Variants in FAM91A1 observed in about 807,000 individuals in gnomAD.
FAM91A1 encodes protein FAM91A1.
In FAM91A1, 41 loss-of-function variants were observed where a neutral mutation model predicts 113.5. The ratio of observed to expected loss-of-function variants is 0.36; its 90% CI spans 0.28 to 0.47. The LOEUF (loss-of-function observed/expected upper bound fraction) is 0.47, where lower values mean the gene tolerates loss of function less well. Ranked by LOEUF, FAM91A1 falls within the 20% of genes least tolerant of loss-of-function variation. The pLI is 1.00. For synonymous variants in FAM91A1, 307 were observed against 347.9 expected (o/e 0.88, Z 1.31); for missense variants, 696 against 1,001.2 (o/e 0.70, Z 4.11).
chr8:123,799,702 A>G, intron 17 of FAM91A1, 48 bp downstream of exon 17: 1 of 1,607,664 alleles, frequency 6.2e-7, no homozygotes, highest in Non-Finnish European at 8.5e-7. Flanking sequence ...TGTGAGCAGT[A>G]TGCTAGATAA....
chr8:123,792,413 A>T (rs1326824056), intron 15 of FAM91A1, among the ~76,000 whole-genome samples: 2 of 152,212 alleles, frequency 1.3e-5, no homozygotes, highest in African/African-American at 4.8e-5. Flanking sequence ...CGTACTGTTT[A>T]TAAATAAAAG....
intron 3 of FAM91A1, 57 bp downstream of exon 3, chr8:123,775,355 CT>C (rs1814956858): frequency 6.4e-7 from 1 of 1,568,852 alleles, no homozygotes; most frequent in South Asian, 1.2e-5. Context: ...ATGTCTGGGA[CT>C]TTTTGCAGAT....
At chr8:123,782,016 T>A (rs1282751183) in intron 8 of FAM91A1, among the ~76,000 whole-genome samples, 1 of 152,226 alleles carries the variant, frequency 6.6e-6, no homozygotes, top group Non-Finnish European at 1.5e-5. Context: ...TCATTTGAGA[T>A]CCACCTATTA....
At chr8:123,772,798 A>G (rs1814886869) in intron 1 of FAM91A1, among the ~76,000 whole-genome samples, 1 of 152,200 alleles carries the variant, frequency 6.6e-6, no homozygotes, top group Non-Finnish European at 1.5e-5. Context: ...GTTGATGAAC[A>G]CATATTTTGT....
intron 15 of FAM91A1, among the ~76,000 whole-genome samples, chr8:123,797,086 A>G (rs1216074336): frequency 1.3e-5 from 2 of 151,956 alleles, no homozygotes; most frequent in Non-Finnish European, 1.5e-5. Context: ...AAAAAAAGAT[A>G]TGGGCCTTGA....
intron 1 of FAM91A1, among the ~76,000 whole-genome samples, chr8:123,769,231 G>A (rs1410200996): frequency 6.6e-6 from 1 of 152,218 alleles, no homozygotes; most frequent in Admixed American, 6.5e-5. Flanking sequence ...TTTAAGGCAG[G>A]CACTTAAATT....
In FAM91A1 at chr8:123,799,481, CTTTAT is replaced by C. The variant is rs148196058; in HGVS notation, c.1561-34_1561-30del. The C allele has an allele frequency of 1.5e-4, 233 of 1,590,118 alleles. No homozygotes were observed. In the African/African-American group the frequency reaches 2.1e-3, roughly 14 times the overall value. Reference sequence around the variant, plus strand: ...ACTGTTCTCGGTCACTTATGTAACACTTTATTTTAACTTTATCTTAACTGTTTTAT... The same window carrying C: ...ACTGTTCTCGGTCACTTATGTAACACTTTAACTTTATCTTAACTGTTTTAT... On this transcript the variant is annotated intron_variant, in intron 16 of 23. Transcript: ENST00000334705.
At chr8:123,799,676 G>A (rs923826770) in intron 17 of FAM91A1, 22 bp downstream of exon 17, 3 of 1,612,344 alleles carry the variant, frequency 1.9e-6, no homozygotes, top group Non-Finnish European at 2.5e-6. Context: ...AGGTTTGGGT[G>A]GTTTTTTTAT....
At chr8:123,795,954 C>T (rs1007532623) in intron 15 of FAM91A1, among the ~76,000 whole-genome samples, 7 of 152,164 alleles carry the variant, frequency 4.6e-5, no homozygotes, top group Non-Finnish European at 1.5e-5. Flanking sequence ...AGGGCCTGGG[C>T]AACAAGAACA....
rs192976927 is a variant in FAM91A1, at chr8:123,788,839, C to T, written c.1279-774C>T. 4.6e-5 allele frequency among the ~76,000 whole-genome samples: 7 copies of T among 152,180 alleles called. No individual in the cohort carries two copies. The East Asian group carries it at 9.6e-4, about 21-fold the overall frequency. ...ATCACAAAGTCATTCTTGGGAAAGCCTTTCAGTCTGAGGCTTAGTTTTTAA... is the reference window on the plus strand; with the variant it reads ...ATCACAAAGTCATTCTTGGGAAAGCTTTTCAGTCTGAGGCTTAGTTTTTAA... On this transcript the variant is annotated intron_variant, in intron 14 of 23. Coordinates refer to ENST00000334705, the MANE Select transcript of FAM91A1 (RefSeq NM_144963.4).
intron 16 of FAM91A1, 42 bp from the exon 17 acceptor site, chr8:123,799,478 A>G: frequency 6.3e-7 from 1 of 1,588,830 alleles, no homozygotes. Flanking sequence ...CACTTATGTA[A>G]CACTTTATTT....
intron 15 of FAM91A1, among the ~76,000 whole-genome samples, chr8:123,792,666 C>G (rs1341762584): frequency 1.3e-5 from 2 of 152,142 alleles, no homozygotes; most frequent in African/African-American, 4.8e-5. Context: ...TTTAGACTTC[C>G]TACTTTCCCT....
chr8:123,804,698 T>C (rs574658591), intron 18 of FAM91A1, among the ~76,000 whole-genome samples: 8 of 152,232 alleles, frequency 5.3e-5, no homozygotes, highest in Non-Finnish European at 8.8e-5. Context: ...CATTTAGCAA[T>C]TGGAGATCTT....
chr8:123,798,363 G>A, intron 16 of FAM91A1, 125 bp downstream of exon 16: 1 of 1,083,850 alleles, frequency 9.2e-7, no homozygotes, highest in Non-Finnish European at 1.3e-6. Context: ...TGTATTTTAT[G>A]CCTTTGTAAG....
At chr8:123,782,536 A>C (rs1421647256) in intron 8 of FAM91A1, among the ~76,000 whole-genome samples, 3 of 152,106 alleles carry the variant, frequency 2.0e-5, no homozygotes, top group African/African-American at 4.8e-5. Flanking sequence ...TTATTCATCA[A>C]ATTTTCTAAC....
At chr8:123,782,185 A>G (rs529950743) in intron 8 of FAM91A1, among the ~76,000 whole-genome samples, 14 of 152,350 alleles carry the variant, frequency 9.2e-5, no homozygotes, top group Non-Finnish European at 1.8e-4. Context: ...CTGCCCCATT[A>G]CATTGATGTG....
chr8:123,768,909 G>A (rs924794125), intron 1 of FAM91A1, 135 bp downstream of exon 1: 12 of 897,638 alleles, frequency 1.3e-5, no homozygotes, highest in Middle Eastern at 2.4e-4. Flanking sequence ...GTCTTGGGGA[G>A]ACGGACCTTC....
intron 15 of FAM91A1, among the ~76,000 whole-genome samples, chr8:123,790,740 G>A (rs1378037029): frequency 6.6e-6 from 1 of 152,180 alleles, no homozygotes; most frequent in East Asian, 1.9e-4. Context: ...GTTTACTTGA[G>A]TGAGGCTAGA....
At chr8:123,789,015 TGACTTATTCA>T (rs2130098833) in intron 14 of FAM91A1, among the ~76,000 whole-genome samples, 1 of 152,336 alleles carries the variant, frequency 6.6e-6, no homozygotes, top group South Asian at 2.1e-4. Flanking sequence ...TATTAAAAGG[TGACTTATTCA>T]GACTTATTCA....
Sources: allele counts gnomAD v4.1 joint callset (sites outside exome capture counted in the v4.1 genomes callset), GRCh38; gene constraint gnomAD v4.1.1; transcripts MANE v1.5; gene names NCBI Gene and HGNC (gene_info 2026-07-23, HGNC 2026-07-21).